Variants in NPAT observed in about 807,000 individuals in gnomAD.
NPAT encodes nuclear protein, coactivator of histone transcription, also known as protein NPAT.
In NPAT, 52 loss-of-function variants were observed where a neutral mutation model predicts 130.7. The observed-to-expected ratio is 0.40, with a 90% CI of 0.32 to 0.50. The LOEUF (loss-of-function observed/expected upper bound fraction) is 0.50. Among genes scored for constraint, NPAT ranks in the 20% least tolerant of loss-of-function variants. The probability of loss-of-function intolerance (pLI) is 0.68; values close to 1 mark genes in which losing one functional copy is unlikely to be tolerated. For synonymous variants in NPAT, 580 were observed against 584.8 expected (o/e 0.99, Z 0.12); for missense variants, 1,687 against 1,662.6 (o/e 1.01, Z -0.26).
In NPAT at chr11:108,157,960, C is replaced by A. The variant is rs1259787554; in HGVS notation, c.*982G>T. ...AGTATAGATATAGTTATTTAACATA[C>A]CCATTGTAGGAGAAACTAAAATATA... On this transcript the variant is annotated 3_prime_UTR_variant, in exon 18 of 18. Coordinates refer to ENST00000278612, the MANE Select transcript of NPAT (RefSeq NM_002519.3). 1 of 152,414 alleles carries A rather than the reference C, an allele frequency of 6.6e-6. No homozygotes were observed. Among genetic ancestry groups the A allele is most frequent in the Non-Finnish European group, 1.5e-5 (1 of 67,932 alleles). 9.4% of individuals were successfully genotyped at this position (152,414 alleles called of 1,614,324 possible).
chr11:108,183,431 G>A lies in NPAT; in HGVS notation c.906+1801C>T, dbSNP rs187277131. Among the ~76,000 whole-genome samples, 458 of 152,314 alleles carry A rather than the reference G, an allele frequency of 3.0e-3. 14 individuals carry two copies. Among genetic ancestry groups the A allele is most frequent in the Non-Finnish European group, 7.1e-4 (48 of 68,024 alleles). On this transcript the variant is annotated intron_variant, in intron 10 of 17. Coordinates refer to ENST00000278612, the MANE Select transcript of NPAT (RefSeq NM_002519.3). Reference sequence around the variant, plus strand: ...TGCTCTAATACACTCACATGGGCATGCCAATAAAAATATTTCTATTGTCCA... The same window carrying A: ...TGCTCTAATACACTCACATGGGCATACCAATAAAAATATTTCTATTGTCCA...
At position 108,175,327 on chromosome 11, in the gene NPAT, G is replaced by T. The variant is rs190722282; in HGVS notation, c.1132+919C>A. Among the ~76,000 whole-genome samples the T allele has an allele frequency of 5.3e-5, 8 of 152,212 alleles. No individual in the cohort carries two copies. In the East Asian group the frequency reaches 1.2e-3, roughly 22 times the overall value. ...ACCACCCAATTTCAGGCACCCACTG[G>T]GGGGCTTGGAATATATCCCCCATAG... On this transcript the variant is annotated intron_variant, in intron 12 of 17. Transcript: ENST00000278612.
chr11:108,222,573 G>C lies in NPAT; in HGVS notation c.-37C>G, dbSNP rs199579930. ...CAGCAGGAACCACAATAAGGAACAA[G>C]ACTCAGGTTAAAGCAAACACAGCGA... On this transcript the variant is annotated 5_prime_UTR_variant, in exon 1 of 18. Coordinates refer to ENST00000278612, the MANE Select transcript of NPAT (RefSeq NM_002519.3). 9.7e-5 allele frequency: 157 copies of C among 1,612,632 alleles called. No homozygotes were observed. Among genetic ancestry groups the C allele is most frequent in the Admixed American group, 2.7e-4 (16 of 59,818 alleles).
Position 108,188,975 on chromosome 11 carries a change from A to G in NPAT, c.556+131T>C, listed in dbSNP as rs543155892. On this transcript the variant is annotated intron_variant, in intron 6 of 17. Coordinates refer to ENST00000278612, the MANE Select transcript of NPAT (RefSeq NM_002519.3). ...TATAGCAAATCTAGAAGTCTGTTCC[A>G]CTTTTAGTCTCTCTCATCTTTTATG... 22 of 743,632 alleles carry G rather than the reference A, an allele frequency of 3.0e-5. No homozygotes were observed. In the South Asian group the frequency reaches 3.4e-4, roughly 12 times the overall value. 46.1% of individuals were successfully genotyped at this position (743,632 alleles called of 1,614,324 possible).
chr11:108,176,335 G>T lies in NPAT; in HGVS notation c.1043C>A (p.Ser348Tyr). 6.4e-7 allele frequency: 1 copy of T among 1,555,506 alleles called. No individual in the cohort carries two copies. Among genetic ancestry groups the T allele is most frequent in the South Asian group, 1.1e-5 (1 of 89,762 alleles). ...GGGATTGGATTCCATAGGTTGACTG[G>T]AAATACTTTGTGATATATTTTTATT... ...KNNKNISQSI[S>Y]SQPMESNPSI... is the part of the protein sequence containing the mutation. The change falls in exon 12 of 18, where the codon TCC (serine) becomes TAC (tyrosine). Residue 348 changes from serine to tyrosine, a missense_variant. Transcript: ENST00000278612.
At chr11:108,189,430 C>A in intron 5 of NPAT, 100 bp from the exon 6 acceptor site, 1 of 956,130 alleles carries the variant, frequency 1.0e-6, no homozygotes, top group Non-Finnish European at 1.7e-6. Flanking sequence ...CAACGTGTTA[C>A]ATCCACAGAT....
chr11:108,207,478 A>C (rs964895608), intron 1 of NPAT, among the ~76,000 whole-genome samples: 1 of 152,216 alleles, frequency 6.6e-6, no homozygotes, highest in Non-Finnish European at 1.5e-5. Flanking sequence ...GGGCAGGCCC[A>C]TGCCGAGTTG....
At position 108,189,136 on chromosome 11, in the gene NPAT, T is replaced by C. The variant is rs773653115; in HGVS notation, c.526A>G (p.Asn176Asp). 1.2e-4 allele frequency: 201 copies of C among 1,614,024 alleles called. No homozygotes were observed. The highest frequency in any genetic ancestry group is 1.7e-4 in the Non-Finnish European group (195 of 1,180,022). ...ACAGTATCTTGTGACTGTGAGTGGT[T>C]GACCACTACAAAATATGACCTCGAT... ...DPSRSYFVVVNHSQSQDTVTT... is the reference protein window; with the variant it reads ...DPSRSYFVVVDHSQSQDTVTT... Residue 176 changes from asparagine (N) to aspartate (D), a missense_variant, in exon 6 of 18, where the codon AAC becomes GAC. Asn to Asp is a conservative substitution (Grantham distance 23, BLOSUM62 1). Transcript: ENST00000278612.
chr11:108,221,121 G>A (rs894086970), intron 1 of NPAT, among the ~76,000 whole-genome samples: 12 of 152,168 alleles, frequency 7.9e-5, no homozygotes, highest in Non-Finnish European at 1.6e-4. Flanking sequence ...TTAACTAGGG[G>A]TGATTCTGCC....
At chr11:108,165,875 C>T (rs1055778546) in intron 15 of NPAT, among the ~76,000 whole-genome samples, 5 of 151,638 alleles carry the variant, frequency 3.3e-5, no homozygotes, top group Non-Finnish European at 7.4e-5. Flanking sequence ...CCTTGTGATC[C>T]GCCTGCCTCG....
At chr11:108,197,837 T>A (rs754049114) in intron 1 of NPAT, among the ~76,000 whole-genome samples, 27 of 152,228 alleles carry the variant, frequency 1.8e-4, no homozygotes, top group Non-Finnish European at 3.5e-4. Context: ...GTATACTTCA[T>A]TTATTTGCCA....
chr11:108,193,091 G>C (rs1313372916), intron 3 of NPAT, among the ~76,000 whole-genome samples: 1 of 152,210 alleles, frequency 6.6e-6, no homozygotes, highest in Non-Finnish European at 1.5e-5. Context: ...GAATTCTTTA[G>C]TGCTAATTGT....
chr11:108,183,906 C>A (rs898604485), intron 10 of NPAT, among the ~76,000 whole-genome samples: 50 of 150,932 alleles, frequency 3.3e-4, no homozygotes, highest in African/African-American at 1.1e-3. Flanking sequence ...TGGGGGAGAT[C>A]AAGGCTGCTG....
chr11:108,215,081 T>A (rs77376169), intron 1 of NPAT, among the ~76,000 whole-genome samples: 1 of 152,304 alleles, frequency 6.6e-6, no homozygotes, highest in Admixed American at 6.5e-5. Context: ...TTCAAGGCCA[T>A]TGTTTATTCT....
Position 108,172,435 on chromosome 11 carries a change from A to G in NPAT, c.2549T>C (p.Ile850Thr). The G allele has an allele frequency of 1.2e-5, 19 of 1,614,224 alleles. No individual in the cohort carries two copies. Among genetic ancestry groups the G allele is most frequent in the Non-Finnish European group, 1.6e-5 (19 of 1,180,024 alleles). Residue 850 changes from isoleucine to threonine, a missense_variant, in exon 13 of 18, where the codon ATA (isoleucine) becomes ACA (threonine). Transcript: ENST00000278612. ...TPCVSKDGGYIQLMPATSTAF... is the reference protein window; with the variant it reads ...TPCVSKDGGYTQLMPATSTAF... ...TGTGCTTGTGGCTGGCATCAACTGT[A>G]TATATCCTCCATCCTTGGAAACACA...
intron 1 of NPAT, among the ~76,000 whole-genome samples, chr11:108,215,349 G>A (rs2078423708): frequency 6.6e-6 from 1 of 152,092 alleles, no homozygotes; most frequent in Non-Finnish European, 1.5e-5. Context: ...CACATAAAGG[G>A]AACAACACAC....
Position 108,157,388 on chromosome 11 carries a change from AC to A in NPAT, c.*1553del, listed in dbSNP as rs1156748947. Reference sequence around the variant, plus strand: ...AGACTGCCAATGTAAAGTAATTCAAACTTTTGAAGTTAATGAAAATATTTAT... The same window carrying A: ...AGACTGCCAATGTAAAGTAATTCAAATTTTGAAGTTAATGAAAATATTTAT... On this transcript the variant is annotated 3_prime_UTR_variant, in exon 18 of 18. Transcript: ENST00000278612. 1.3e-5 allele frequency: 2 copies of A among 152,118 alleles called. No individual in the cohort carries two copies. Among genetic ancestry groups the A allele is most frequent in the Non-Finnish European group, 2.9e-5 (2 of 67,970 alleles). 9.4% of individuals were successfully genotyped at this position (152,118 alleles called of 1,614,324 possible). A position where few individuals can be genotyped will look rare whatever the true frequency, so the allele number is the denominator to read the frequency against.
intron 10 of NPAT, among the ~76,000 whole-genome samples, chr11:108,178,685 C>G (rs925438500): frequency 2.0e-5 from 3 of 152,078 alleles, no homozygotes; most frequent in African/African-American, 7.2e-5. Context: ...TGGTGAAACC[C>G]CACCTCTACT....
chr11:108,160,938 C>T lies in NPAT; in HGVS notation c.4148G>A (p.Arg1383His), dbSNP rs778117245. ...EELDERERNS[R>H]PSSKNLTNSS... ...ATTTGTAAGATTTTTACTAGAAGGA[C>T]GAGAGTTTCGCTCACGTTCATCTAA... The change falls in exon 17 of 18, where the codon CGT becomes CAT. Residue 1383 changes from arginine to histidine, a missense_variant. Physicochemically the swap from Arg to His is conservative, Grantham distance 29. This residue lies in a region of NPAT where 1,379 missense variants were observed against 1,346.6 expected (regional missense o/e 1.02). Coordinates refer to ENST00000278612, the MANE Select transcript of NPAT (RefSeq NM_002519.3). 28 of 1,613,964 alleles carry T rather than the reference C, an allele frequency of 1.7e-5. No homozygotes were observed. The highest frequency in any genetic ancestry group is 9.3e-5 in the African/African-American group (7 of 74,878).
Sources: gnomAD v4.1 joint callset for allele counts (sites outside exome capture counted in the v4.1 genomes callset) on GRCh38, gnomAD v4.1.1 for gene constraint, gnomAD v4.1.1 regional missense constraint, MANE v1.5 for transcripts, NCBI Gene and HGNC (gene_info 2026-07-23, HGNC 2026-07-21) for gene names.